The following NBAS variants were observed in gnomAD, a reference collection of about 807,000 sequenced individuals.
NBAS encodes the protein NAG/BC035112 fusion.
In NBAS, 219 loss-of-function variants were observed where a neutral mutation model predicts 302.5. The observed-to-expected ratio is 0.72, with a 90% CI of 0.65 to 0.81. NBAS has a LOEUF of 0.81. Ranked by LOEUF, NBAS falls within the 30% of genes least tolerant of loss-of-function variation. The pLI is 0.00. For synonymous variants in NBAS, 1,118 were observed against 1,021.6 expected (o/e 1.09, Z -1.80); for missense variants, 2,932 against 2,841.6 (o/e 1.03, Z -0.72).
intron 21 of NBAS, among the ~76,000 whole-genome samples, chr2:15,460,086 G>A (rs1679441400): frequency 6.6e-6 from 1 of 152,148 alleles, no homozygotes; most frequent in Non-Finnish European, 1.5e-5. Flanking sequence ...AGGATATTGA[G>A]TGGAGGCAGC....
the NBAS span, among the ~76,000 whole-genome samples, chr2:15,133,271 A>G: frequency 1.3e-5 from 2 of 151,478 alleles, no homozygotes; most frequent in African/African-American, 2.4e-5. Flanking sequence ...CTAGACGTAC[A>G]CATGAGGTTT....
chr2:15,042,959 C>T, the NBAS span, among the ~76,000 whole-genome samples: 4 of 152,168 alleles, frequency 2.6e-5, no homozygotes, highest in Non-Finnish European at 5.9e-5. Flanking sequence ...AAGAAGGCAG[C>T]CATACACAAC....
intron 44 of NBAS, among the ~76,000 whole-genome samples, chr2:15,243,483 A>C (rs1279957984): frequency 6.6e-6 from 1 of 151,926 alleles, no homozygotes; most frequent in Non-Finnish European, 1.5e-5. Context: ...GAGACTATCT[A>C]CCGAAAGCCT....
In NBAS at chr2:15,478,294, A is replaced by G. The variant is rs746712793; in HGVS notation, c.1084-5T>C. The G allele has an allele frequency of 3.1e-6, 5 of 1,606,482 alleles. No individual in the cohort carries two copies. Among genetic ancestry groups the G allele is most frequent in the Non-Finnish European group, 4.3e-6 (5 of 1,173,264 alleles). ...ATTAAGGTCATCATAGCCTGGCTAA[A>G]TATGAAAATAATGACTTCCTGAGTG... On this transcript the variant is annotated splice_polypyrimidine_tract_variant and splice_region_variant and intron_variant, in intron 12 of 51. Transcript: ENST00000281513.
At chr2:14,961,656 T>A in the NBAS span, among the ~76,000 whole-genome samples, 1 of 152,188 alleles carries the variant, frequency 6.6e-6, no homozygotes, top group African/African-American at 2.4e-5. Context: ...AGGATCAAAA[T>A]AAAAATAATA....
the NBAS span, among the ~76,000 whole-genome samples, chr2:14,814,340 C>T: frequency 6.6e-6 from 1 of 152,220 alleles, no homozygotes; most frequent in African/African-American, 2.4e-5. Flanking sequence ...CACTCAATGC[C>T]AGCCTGTGAA....
the NBAS span, among the ~76,000 whole-genome samples, chr2:15,069,556 CAAAA>C: frequency 3.4e-5 from 5 of 146,110 alleles, no homozygotes; most frequent in Admixed American, 6.7e-5. Context: ...CAGTGGGGCT[CAAAA>C]AAAAAAAAAT....
At chr2:15,104,659 TC>T in the NBAS span, among the ~76,000 whole-genome samples, 20 of 152,100 alleles carry the variant, frequency 1.3e-4, no homozygotes, top group Non-Finnish European at 2.4e-4. Context: ...TAATTTACAC[TC>T]CCGCCAACAG....
At chr2:14,855,889 C>T in the NBAS span, among the ~76,000 whole-genome samples, 2 of 152,184 alleles carry the variant, frequency 1.3e-5, no homozygotes, top group African/African-American at 4.8e-5. Flanking sequence ...GCTTTGCCAC[C>T]TGCTGATTGT....
chr2:15,004,667 ATTTTTT>A, the NBAS span, among the ~76,000 whole-genome samples: 2 of 105,454 alleles, frequency 1.9e-5, no homozygotes, highest in African/African-American at 7.5e-5. Flanking sequence ...CTCCCAGCTG[ATTTTTT>A]TTTTTTTTTT....
intron 35 of NBAS, among the ~76,000 whole-genome samples, chr2:15,338,674 T>TACACACACACACACACACAC (rs70961409): frequency 7.4e-6 from 1 of 134,726 alleles, no homozygotes; most frequent in Non-Finnish European, 1.6e-5. Context: ...AACACACACA[T>TACACACACACACACACACAC]ACACACACAC....
chr2:15,132,397 T>C, the NBAS span, among the ~76,000 whole-genome samples: 1 of 152,054 alleles, frequency 6.6e-6, no homozygotes, highest in African/African-American at 2.4e-5. Context: ...AAAAGATCAG[T>C]GGTTTCCAGG....
chr2:15,098,506 A>ATTATATATTGTATATAATATGTTATATG, the NBAS span, among the ~76,000 whole-genome samples: 1 of 100,452 alleles, frequency 1.0e-5, no homozygotes, highest in African/African-American at 4.3e-5. Flanking sequence ...TATGTTATAT[A>ATTATATATTGTATATAATATGTTATATG]TTATATATTG....
the NBAS span, among the ~76,000 whole-genome samples, chr2:14,880,105 C>A: frequency 6.6e-6 from 1 of 152,088 alleles, no homozygotes; most frequent in Non-Finnish European, 1.5e-5. Context: ...AATTAGAAGA[C>A]CCTGTTGAAC....
At chr2:15,461,410 T>C in intron 20 of NBAS, 73 bp from the exon 21 acceptor site, 1 of 1,524,160 alleles carries the variant, frequency 6.6e-7, no homozygotes, top group Middle Eastern at 1.7e-4. Context: ...ATGACAACAT[T>C]CAAAAACTAA....
chr2:15,437,401 G>A (rs950866177), intron 21 of NBAS, among the ~76,000 whole-genome samples: 1 of 152,174 alleles, frequency 6.6e-6, no homozygotes, highest in Non-Finnish European at 1.5e-5. Context: ...CTGAGATACT[G>A]CTGCACAAGT....
chr2:15,230,737 C>T (rs1667347866), intron 47 of NBAS, among the ~76,000 whole-genome samples: 1 of 152,164 alleles, frequency 6.6e-6, no homozygotes, highest in Admixed American at 6.5e-5. Flanking sequence ...CTGAAAGAAG[C>T]TGCGCTGCGG....
chr2:15,224,314 T>C (rs1328395175), intron 47 of NBAS, among the ~76,000 whole-genome samples: 2 of 152,172 alleles, frequency 1.3e-5, no homozygotes, highest in Non-Finnish European at 2.9e-5. Flanking sequence ...GAATCTTCAG[T>C]AAGAGAGTTT....
At chr2:15,160,374 G>C in the NBAS span, among the ~76,000 whole-genome samples, 2 of 152,194 alleles carry the variant, frequency 1.3e-5, no homozygotes, top group Non-Finnish European at 2.9e-5. Flanking sequence ...AAAGATGCTT[G>C]AGCAAGATCC....
Sources: gnomAD v4.1 joint callset for allele counts (sites outside exome capture counted in the v4.1 genomes callset) on GRCh38, gnomAD v4.1.1 for gene constraint, MANE v1.5 for transcripts, NCBI Gene and HGNC (gene_info 2026-07-23, HGNC 2026-07-21) for gene names.